Variants in KIF26B observed in about 807,000 individuals in gnomAD.
The protein encoded by KIF26B is kinesin family member 26B.
In KIF26B, 63 loss-of-function variants were observed where a neutral mutation model predicts 151.2. The ratio of observed to expected loss-of-function variants is 0.42; its 90% CI spans 0.34 to 0.51. The LOEUF (loss-of-function observed/expected upper bound fraction) is 0.51. Ranked by LOEUF, KIF26B falls within the 20% of genes least tolerant of loss-of-function variation. KIF26B has a pLI of 0.07. For missense variants in KIF26B, 2,813 were observed against 2,913.6 expected (o/e 0.97, Z 0.79); for synonymous variants, 1,357 against 1,262.1 (o/e 1.08, Z -1.59).
At chr1:245,376,410 T>TA (rs575149338) in intron 3 of KIF26B, among the ~76,000 whole-genome samples, 49 of 150,312 alleles carry the variant, frequency 3.3e-4, no homozygotes, top group African/African-American at 1.1e-3. Flanking sequence ...ACACTAGAAT[T>TA]ACTTGGGAGA....
At chr1:245,549,885 A>G (rs1025471108) in intron 5 of KIF26B, among the ~76,000 whole-genome samples, 9 of 151,920 alleles carry the variant, frequency 5.9e-5, no homozygotes, top group African/African-American at 2.2e-4. Context: ...GATTCAAGCG[A>G]TTCTCCTGCC....
chr1:245,169,341 G>GTGTGTGTGTGTA (rs1668668994), intron 2 of KIF26B, among the ~76,000 whole-genome samples: 1 of 151,698 alleles, frequency 6.6e-6, no homozygotes. Flanking sequence ...GTGTGTGTGT[G>GTGTGTGTGTGTA]TGTGTGTGTG....
At chr1:245,383,103 TC>T (rs373033386) in intron 3 of KIF26B, among the ~76,000 whole-genome samples, 1 of 150,174 alleles carries the variant, frequency 6.7e-6, no homozygotes, top group East Asian at 2.0e-4. Context: ...CTCTATAAAG[TC>T]AACCCACACA....
At chr1:245,626,102 T>C (rs2043721169) in intron 9 of KIF26B, among the ~76,000 whole-genome samples, 1 of 152,218 alleles carries the variant, frequency 6.6e-6, no homozygotes. Context: ...GAGCACATTT[T>C]CTTGGTCCCG....
intron 2 of KIF26B, among the ~76,000 whole-genome samples, chr1:245,342,058 G>C (rs932548256): frequency 1.3e-5 from 2 of 152,192 alleles, no homozygotes; most frequent in African/African-American, 4.8e-5. Flanking sequence ...ACCAGAAATT[G>C]TGCTTGGGAA....
rs1406646052 is a variant in KIF26B, at chr1:245,563,272, A to G, written c.1350+22322A>G. ...ATCACCGAACAACCTGTTTCCACCCATTTCCCTTATTCACTAAACAACCCG... is the reference window on the plus strand; with the variant it reads ...ATCACCGAACAACCTGTTTCCACCCGTTTCCCTTATTCACTAAACAACCCG... On this transcript the variant is annotated intron_variant, in intron 5 of 14. Coordinates refer to ENST00000407071, the MANE Select transcript of KIF26B (RefSeq NM_018012.4). The surrounding 1 kb of genome is among the most constrained non-coding windows in gnomAD (Gnocchi z 4.6). Among the ~76,000 whole-genome samples the G allele has an allele frequency of 6.6e-6, 1 of 152,004 alleles. No individual in the cohort carries two copies. Among genetic ancestry groups the G allele is most frequent in the Non-Finnish European group, 1.5e-5 (1 of 67,982 alleles).
At chr1:245,510,878 G>A in intron 4 of KIF26B, 1 of 579,684 alleles carries the variant, frequency 1.7e-6, no homozygotes, top group Non-Finnish European at 3.1e-6. Flanking sequence ...CCAGGATCAT[G>A]GTTTAGCCAA....
At chr1:245,303,197 CTTTTTTTT>C (rs757473264) in intron 2 of KIF26B, among the ~76,000 whole-genome samples, 3 of 102,586 alleles carry the variant, frequency 2.9e-5, no homozygotes, top group African/African-American at 3.9e-5. Context: ...ACTAAATGTT[CTTTTTTTT>C]TTTTTTTTTT....
chr1:245,432,313 T>TG (rs1337001636), intron 4 of KIF26B, among the ~76,000 whole-genome samples: 1 of 152,082 alleles, frequency 6.6e-6, no homozygotes, highest in African/African-American at 2.4e-5. Context: ...TCAGATGTTT[T>TG]CGGGGGATAG....
chr1:245,162,630 C>T (rs546917207), intron 2 of KIF26B, among the ~76,000 whole-genome samples: 175 of 152,206 alleles, frequency 1.1e-3, no homozygotes, highest in Middle Eastern at 6.8e-3. Context: ...GTGATCCACC[C>T]GCCTTGGCCT....
chr1:245,166,952 G>A lies in KIF26B; in HGVS notation c.465+10269G>A, dbSNP rs1310378370. 1.3e-5 allele frequency among the ~76,000 whole-genome samples: 2 copies of A among 152,178 alleles called. No homozygotes were observed. The highest frequency in any genetic ancestry group is 3.8e-4 in the East Asian group (2 of 5,196). ...GTTAGCAAAGCAGAAGGCTCTGAGG[G>A]TAGAGTAAGTATTATTAATTTTTTA... is the stretch of plus-strand genomic sequence containing the variant. On this transcript the variant is annotated intron_variant, in intron 2 of 14. Transcript: ENST00000407071. This position sits in a 1 kb window ranked among gnomAD's most constrained non-coding sequence, Gnocchi z 4.5.
At chr1:245,435,399 T>C (rs1340930870) in intron 4 of KIF26B, among the ~76,000 whole-genome samples, 6 of 152,110 alleles carry the variant, frequency 3.9e-5, no homozygotes, top group Middle Eastern at 3.2e-3. Flanking sequence ...CTTCAGGTTG[T>C]TTAAAAATTA....
intron 3 of KIF26B, among the ~76,000 whole-genome samples, chr1:245,374,396 C>T (rs1231052835): frequency 2.0e-5 from 3 of 151,578 alleles, no homozygotes; most frequent in African/African-American, 4.9e-5. Flanking sequence ...TGGCTGATGT[C>T]GGGAGATGAG....
At chr1:245,585,392 C>T (rs571407940) in intron 5 of KIF26B, among the ~76,000 whole-genome samples, 3 of 152,226 alleles carry the variant, frequency 2.0e-5, no homozygotes, top group South Asian at 2.1e-4. Flanking sequence ...GTGCTGTTTC[C>T]GTTAGGAGAC....
chr1:245,296,368 A>G (rs537166863), intron 2 of KIF26B, among the ~76,000 whole-genome samples: 40 of 152,104 alleles, frequency 2.6e-4, no homozygotes, highest in African/African-American at 8.4e-4. Flanking sequence ...GACATTCTGA[A>G]TCTCCATGAT....
chr1:245,612,856 C>A (rs1187137681), intron 9 of KIF26B, among the ~76,000 whole-genome samples: 1 of 152,174 alleles, frequency 6.6e-6, no homozygotes, highest in Non-Finnish European at 1.5e-5. Flanking sequence ...GCCAGGAACC[C>A]AACACTGTGC....
At chr1:245,214,769 G>A (rs1669611045) in intron 2 of KIF26B, among the ~76,000 whole-genome samples, 1 of 152,142 alleles carries the variant, frequency 6.6e-6, no homozygotes, top group Admixed American at 6.5e-5. Context: ...GAACCCAGGA[G>A]GTGGAGGTTG....
chr1:245,678,902 C>G (rs1490861480), intron 10 of KIF26B, among the ~76,000 whole-genome samples: 2 of 151,908 alleles, frequency 1.3e-5, no homozygotes, highest in East Asian at 3.9e-4. Flanking sequence ...AACTCTCTCC[C>G]TTTTCTAGAA....
chr1:245,344,825 G>A (rs1353445005), intron 2 of KIF26B, among the ~76,000 whole-genome samples: 3 of 151,744 alleles, frequency 2.0e-5, no homozygotes, highest in South Asian at 4.2e-4. Flanking sequence ...CGTATCCCTT[G>A]ACAACTTGAC....
Sources: gnomAD v4.1 joint callset for allele counts (sites outside exome capture counted in the v4.1 genomes callset) on GRCh38, gnomAD v4.1.1 for gene constraint, Gnocchi (gnomAD v3.1) non-coding constraint, MANE v1.5 for transcripts, NCBI Gene and HGNC (gene_info 2026-07-23, HGNC 2026-07-21) for gene names.